Variants in POU6F2 observed in about 807,000 individuals in gnomAD.
POU6F2 encodes the protein POU domain, class 6, transcription factor 2.
A neutral mutation model predicts 71.3 loss-of-function variants in POU6F2; 31 were observed. The ratio of observed to expected loss-of-function variants is 0.43; its 90% CI spans 0.33 to 0.59. The LOEUF (loss-of-function observed/expected upper bound fraction) is 0.59. POU6F2 is among the 20% of genes least tolerant of loss of function. The probability of loss-of-function intolerance (pLI) is 0.04; values close to 1 mark genes in which losing one functional copy is unlikely to be tolerated. For synonymous variants in POU6F2, 347 were observed against 355.7 expected, an observed-to-expected ratio of 0.98 and a Z score of 0.27; for missense variants, 783 against 856.8, an observed-to-expected ratio of 0.91 and a Z score of 1.07.
At chr7:38,997,783 G>A (rs996644334) in intron 1 of POU6F2, among the ~76,000 whole-genome samples, 4 of 152,084 alleles carry the variant, frequency 2.6e-5, no homozygotes, top group Admixed American at 1.3e-4. Context: ...GGCACGTATG[G>A]GTATATGTAA....
chr7:39,132,051 T>C (rs1231745997), intron 2 of POU6F2, among the ~76,000 whole-genome samples: 2 of 152,204 alleles, frequency 1.3e-5, no homozygotes, highest in African/African-American at 4.8e-5. Context: ...ACAATTAAAT[T>C]ATTATTGACT....
intron 2 of POU6F2, among the ~76,000 whole-genome samples, chr7:39,172,771 C>T (rs957149280): frequency 6.6e-6 from 1 of 152,044 alleles, no homozygotes; most frequent in Admixed American, 6.6e-5. Context: ...CAGGCACCTG[C>T]CACCATGCCT....
chr7:39,192,374 T>C (rs1793687478), intron 2 of POU6F2, among the ~76,000 whole-genome samples: 1 of 152,180 alleles, frequency 6.6e-6, no homozygotes, highest in African/African-American at 2.4e-5. Flanking sequence ...AAGTGGTGCT[T>C]TGGCTACTTT....
chr7:39,419,183 A>G (rs1322442298), intron 6 of POU6F2, among the ~76,000 whole-genome samples: 4 of 145,488 alleles, frequency 2.7e-5, no homozygotes, highest in Admixed American at 1.4e-4. Context: ...ATACGTATAT[A>G]TGTATATATT....
chr7:39,015,150 T>G (rs1233036171), intron 1 of POU6F2, among the ~76,000 whole-genome samples: 1 of 150,732 alleles, frequency 6.6e-6, no homozygotes, highest in East Asian at 1.9e-4. Context: ...TAACAATTTC[T>G]TATTCTTAGA....
At chr7:39,307,349 GA>G (rs1785066418) in intron 4 of POU6F2, among the ~76,000 whole-genome samples, 1 of 151,876 alleles carries the variant, frequency 6.6e-6, no homozygotes. Context: ...TTTAGAATAA[GA>G]AAAAAATCAC....
intron 2 of POU6F2, among the ~76,000 whole-genome samples, chr7:39,103,126 G>C (rs1331057735): frequency 6.6e-6 from 1 of 152,206 alleles, no homozygotes; most frequent in Admixed American, 6.5e-5. Context: ...TGAGACTATG[G>C]TGAGAAGTTA....
At chr7:39,185,280 GC>G (rs1793509771) in intron 2 of POU6F2, among the ~76,000 whole-genome samples, 1 of 152,130 alleles carries the variant, frequency 6.6e-6, no homozygotes, top group South Asian at 2.1e-4. Context: ...ACGATATACA[GC>G]AAATACTCCT....
intron 4 of POU6F2, among the ~76,000 whole-genome samples, chr7:39,285,663 G>A (rs1487947248): frequency 6.6e-6 from 1 of 152,140 alleles, no homozygotes; most frequent in African/African-American, 2.4e-5. Context: ...ATGTGAGTTA[G>A]ATTTTGAAAA....
intron 4 of POU6F2, among the ~76,000 whole-genome samples, chr7:39,224,596 C>T (rs1481787565): frequency 6.6e-6 from 1 of 152,104 alleles, no homozygotes; most frequent in East Asian, 1.9e-4. Context: ...CCAATGACTG[C>T]TTTACTTTAC....
intron 5 of POU6F2, among the ~76,000 whole-genome samples, chr7:39,398,436 C>T (rs1364171918): frequency 1.3e-5 from 2 of 151,772 alleles, no homozygotes; most frequent in Non-Finnish European, 2.9e-5. Flanking sequence ...ATCCACTATC[C>T]AGTTCCTACA....
chr7:39,017,367 C>G (rs1221981399), intron 1 of POU6F2, among the ~76,000 whole-genome samples: 4 of 152,158 alleles, frequency 2.6e-5, no homozygotes. Context: ...CTTTGTACTG[C>G]TAAATCTAAT....
At chr7:39,208,769 T>G (rs2128746199) in intron 4 of POU6F2, among the ~76,000 whole-genome samples, 1 of 152,302 alleles carries the variant, frequency 6.6e-6, no homozygotes, top group East Asian at 1.9e-4. Context: ...AAACTTTGCT[T>G]GTTTCAAATT....
chr7:39,326,179 G>GTA (rs1554343023), intron 4 of POU6F2, among the ~76,000 whole-genome samples: 5 of 152,178 alleles, frequency 3.3e-5, no homozygotes, highest in Non-Finnish European at 2.9e-5. Flanking sequence ...TCACCCAAAT[G>GTA]TATATTCTGT....
At chr7:39,082,693 G>C (rs2128720229) in intron 1 of POU6F2, among the ~76,000 whole-genome samples, 1 of 151,892 alleles carries the variant, frequency 6.6e-6, no homozygotes, top group African/African-American at 2.4e-5. Context: ...ACTGGTTACT[G>C]CTTGTGACAC....
chr7:39,431,551 T>C (rs1317983071), intron 6 of POU6F2, among the ~76,000 whole-genome samples: 1 of 152,096 alleles, frequency 6.6e-6, no homozygotes, highest in Non-Finnish European at 1.5e-5. Flanking sequence ...TAGTGGGAAA[T>C]TGCAAACAAG....
At chr7:39,300,485 C>A (rs1784931876) in intron 4 of POU6F2, among the ~76,000 whole-genome samples, 1 of 152,152 alleles carries the variant, frequency 6.6e-6, no homozygotes, top group African/African-American at 2.4e-5. Context: ...TCAGCCCTCA[C>A]TTAACTTCGG....
intron 2 of POU6F2, among the ~76,000 whole-genome samples, chr7:39,129,345 T>G (rs1332710089): frequency 6.6e-6 from 1 of 152,212 alleles, no homozygotes; most frequent in Non-Finnish European, 1.5e-5. Context: ...ATATAGTAGT[T>G]GCTCTATGAA....
chr7:39,288,630 A>G (rs1410718538), intron 4 of POU6F2, among the ~76,000 whole-genome samples: 2 of 152,212 alleles, frequency 1.3e-5, no homozygotes, highest in African/African-American at 4.8e-5. Flanking sequence ...TAGTCATCAT[A>G]GTTTTCAACC....
Sources: gnomAD v4.1 joint callset for allele counts (sites outside exome capture counted in the v4.1 genomes callset) on GRCh38, gnomAD v4.1.1 for gene constraint, MANE v1.5 for transcripts, NCBI Gene and HGNC (gene_info 2026-07-23, HGNC 2026-07-21) for gene names.